Variants in GPHN observed in about 807,000 individuals in gnomAD.
GPHN encodes the protein gephyrin.
A neutral mutation model predicts 95.5 loss-of-function variants in GPHN; 17 were observed. The ratio of observed to expected loss-of-function variants is 0.18; its 90% confidence interval spans 0.12 to 0.27. The LOEUF (loss-of-function observed/expected upper bound fraction) is 0.27. GPHN is among the 10% of genes least tolerant of loss of function. The pLI is 1.00. For missense variants in GPHN, 660 were observed against 978.1 expected, an observed-to-expected ratio of 0.67 and a Z score of 4.34; for synonymous variants, 320 against 322.5, an observed-to-expected ratio of 0.99 and a Z score of 0.08.
chr14:67,003,459 A>C (rs998950232), intron 9 of GPHN, among the ~76,000 whole-genome samples: 2 of 151,654 alleles, frequency 1.3e-5, no homozygotes, highest in African/African-American at 4.8e-5. Flanking sequence ...CTTCTAACAG[A>C]ATCCAGCCTA....
At chr14:67,574,898 G>T in the GPHN span, among the ~76,000 whole-genome samples, 1 of 152,214 alleles carries the variant, frequency 6.6e-6, no homozygotes, top group African/African-American at 2.4e-5. The surrounding 1 kb of genome is among the most constrained non-coding windows in gnomAD (Gnocchi z 4.2). Context: ...CAGAACACCA[G>T]CAGGAACCAA....
intron 1 of GPHN, among the ~76,000 whole-genome samples, chr14:66,599,642 G>T (rs1173769356): frequency 6.6e-6 from 1 of 151,474 alleles, no homozygotes; most frequent in Non-Finnish European, 1.5e-5. Context: ...TGCAAATAAA[G>T]ATTACTTTCC....
the GPHN span, among the ~76,000 whole-genome samples, chr14:67,487,903 C>T: frequency 1.3e-5 from 2 of 152,128 alleles, no homozygotes; most frequent in African/African-American, 4.8e-5. Flanking sequence ...GGATTATAGG[C>T]GTGAGCCACT....
At chr14:67,356,350 G>A in the GPHN span, among the ~76,000 whole-genome samples, 1 of 151,760 alleles carries the variant, frequency 6.6e-6, no homozygotes, top group African/African-American at 2.4e-5. Flanking sequence ...GAACCTGGCA[G>A]GCAGAGGTTG....
chr14:67,225,950 TGTGTGTGTGTGTGCGCGCGC>T, the GPHN span, among the ~76,000 whole-genome samples: 1 of 138,124 alleles, frequency 7.2e-6, no homozygotes, highest in Non-Finnish European at 1.5e-5. Context: ...TGTGTGTGTG[TGTGTGTGTGTGTGCGCGCGC>T]GCGCGTGCGC....
At chr14:67,572,154 G>A in the GPHN span, 1 of 1,607,022 alleles carries the variant, frequency 6.2e-7, no homozygotes, top group South Asian at 1.1e-5. Context: ...TGTCCTCACT[G>A]AGCTCCGAGG....
chr14:66,679,024 C>T (rs2066782101), intron 1 of GPHN, among the ~76,000 whole-genome samples: 1 of 152,136 alleles, frequency 6.6e-6, no homozygotes, highest in African/African-American at 2.4e-5. Flanking sequence ...TGATTGGAGG[C>T]ACATGGTGGC....
the GPHN span, among the ~76,000 whole-genome samples, chr14:67,551,542 C>T: frequency 6.6e-6 from 1 of 152,114 alleles, no homozygotes; most frequent in Non-Finnish European, 1.5e-5. Context: ...GTGGTGGAGT[C>T]AGTGAGGTTC....
the GPHN span, among the ~76,000 whole-genome samples, chr14:67,260,710 G>A: frequency 6.6e-6 from 1 of 152,038 alleles, no homozygotes; most frequent in African/African-American, 2.4e-5. Flanking sequence ...AATATAAGCA[G>A]TATGTCAAAG....
intron 5 of GPHN, among the ~76,000 whole-genome samples, chr14:66,894,834 C>A (rs900461011): frequency 6.6e-6 from 1 of 152,062 alleles, no homozygotes; most frequent in Admixed American, 6.6e-5. Flanking sequence ...GTTAGAATGG[C>A]GATCATTAAA....
chr14:67,167,293 TA>T (rs2140032856), intron 20 of GPHN, among the ~76,000 whole-genome samples: 1 of 152,346 alleles, frequency 6.6e-6, no homozygotes, highest in South Asian at 2.1e-4. Context: ...CTTCATTTTT[TA>T]TACAGTAATG....
chr14:67,500,868 G>A, the GPHN span, among the ~76,000 whole-genome samples: 1 of 151,906 alleles, frequency 6.6e-6, no homozygotes, highest in African/African-American at 2.4e-5. Context: ...ACCGCGCCTG[G>A]CCTGGATATT....
the GPHN span, among the ~76,000 whole-genome samples, chr14:67,310,874 T>C: frequency 2.0e-5 from 3 of 152,224 alleles, no homozygotes; most frequent in African/African-American, 7.2e-5. Flanking sequence ...TTAGCATTTT[T>C]TCCAATTTCA....
chr14:66,690,671 A>G (rs2067708015), intron 2 of GPHN, among the ~76,000 whole-genome samples: 2 of 152,196 alleles, frequency 1.3e-5, no homozygotes, highest in South Asian at 4.1e-4. Flanking sequence ...TTTGCTTCAT[A>G]TATCTGGGTG....
At chr14:66,658,883 CTT>C (rs774854250) in intron 1 of GPHN, among the ~76,000 whole-genome samples, 2 of 141,510 alleles carry the variant, frequency 1.4e-5, no homozygotes. Flanking sequence ...TTAGAGGCAG[CTT>C]TTTTTTTTTA....
intron 9 of GPHN, among the ~76,000 whole-genome samples, chr14:67,019,280 A>G (rs1257391370): frequency 6.6e-6 from 1 of 152,208 alleles, no homozygotes. Context: ...CTCAGATTAT[A>G]TAAGTAAGCA....
chr14:67,182,609 T>C (rs926568447), downstream of GPHN, among the ~76,000 whole-genome samples: 1 of 152,144 alleles, frequency 6.6e-6, no homozygotes, highest in Non-Finnish European at 1.5e-5. Context: ...ATCTATTATG[T>C]GCTTGGGTAC....
chr14:67,140,982 T>C (rs1280398836), intron 17 of GPHN, among the ~76,000 whole-genome samples: 1 of 151,972 alleles, frequency 6.6e-6, no homozygotes, highest in Non-Finnish European at 1.5e-5. Flanking sequence ...TGTCAGGGTT[T>C]TTTTTTTTAA....
intron 18 of GPHN, among the ~76,000 whole-genome samples, chr14:67,146,211 G>T (rs1013546531): frequency 1.3e-5 from 2 of 152,172 alleles, no homozygotes; most frequent in African/African-American, 4.8e-5. Flanking sequence ...CAGCGAGGAA[G>T]GGGCCCTGCT....
Sources: allele counts gnomAD v4.1 joint callset (sites outside exome capture counted in the v4.1 genomes callset), GRCh38; gene constraint gnomAD v4.1.1; non-coding constraint Gnocchi (gnomAD v3.1); transcripts MANE v1.5; gene names NCBI Gene and HGNC (gene_info 2026-07-23, HGNC 2026-07-21).